Variants in MYO1E observed in about 807,000 individuals in gnomAD.
MYO1E encodes myosin IE.
A neutral mutation model predicts 151.1 loss-of-function variants in MYO1E; 68 were observed. The ratio of observed to expected loss-of-function variants is 0.45; its 90% CI spans 0.37 to 0.55. The LOEUF is 0.55. MYO1E is among the 20% of genes least tolerant of loss of function. The pLI is 0.00. For missense variants in MYO1E, 1,363 were observed against 1,389.3 expected, an observed-to-expected ratio of 0.98 and a Z score of 0.30; for synonymous variants, 601 against 501.7, an observed-to-expected ratio of 1.20 and a Z score of -2.64.
chr15:59,329,972 C>T (rs766015940), intron 1 of MYO1E, among the ~76,000 whole-genome samples: 1 of 152,108 alleles, frequency 6.6e-6, no homozygotes, highest in Non-Finnish European at 1.5e-5. Context: ...TGCAAAATAC[C>T]TTCTTAGAAT....
In MYO1E at chr15:59,223,286, G is replaced by A. The variant is rs1303550921; in HGVS notation, c.778-95C>T. Reference sequence around the variant, plus strand: ...AAGGCACAGCAGCTGCTCTAAATAAGGATGTGACAAGTACAGACGAGTTAC... The same window carrying A: ...AAGGCACAGCAGCTGCTCTAAATAAAGATGTGACAAGTACAGACGAGTTAC... On this transcript the variant is annotated intron_variant, in intron 8 of 27. Transcript: ENST00000288235. 2.1e-6 allele frequency: 3 copies of A among 1,460,234 alleles called. No individual in the cohort carries two copies. The African/African-American group carries it at 4.3e-5, about 21-fold the overall frequency. 90.5% of individuals were successfully genotyped at this position (1,460,234 alleles called of 1,614,324 possible). A position where few individuals can be genotyped will look rare whatever the true frequency, so the allele number is the denominator to read the frequency against.
chr15:59,372,137 C>T (rs1189953764), intron 1 of MYO1E, among the ~76,000 whole-genome samples: 16 of 151,380 alleles, frequency 1.1e-4, no homozygotes, highest in African/African-American at 3.9e-4. Flanking sequence ...AGCACCTCCC[C>T]TGCCGGCTGC....
At position 59,254,686 on chromosome 15, in the gene MYO1E, T is replaced by C. The variant is rs77931882; in HGVS notation, c.332+1598A>G. Among the ~76,000 whole-genome samples, 76 of 149,284 alleles carry C rather than the reference T, an allele frequency of 5.1e-4. No homozygotes were observed. In the South Asian group the frequency reaches 0.01, roughly 20 times the overall value. ...TATCCACAATAAAAGGTTTTTTTTT[T>C]CCCAAAAATGTCTCAGAAAAATTAA... is the stretch of plus-strand genomic sequence containing the variant. On this transcript the variant is annotated intron_variant, in intron 4 of 27. Transcript: ENST00000288235.
chr15:59,306,620 G>T (rs1445567671), intron 1 of MYO1E, among the ~76,000 whole-genome samples: 5 of 152,212 alleles, frequency 3.3e-5, no homozygotes, highest in African/African-American at 1.2e-4. Context: ...GAGTGCCAAG[G>T]ATTTAAATAT....
At chr15:59,177,859 G>A (rs959094983) in intron 19 of MYO1E, among the ~76,000 whole-genome samples, 1 of 152,148 alleles carries the variant, frequency 6.6e-6, no homozygotes, top group African/African-American at 2.4e-5. Context: ...GTCCTTTCTA[G>A]GCTCCCCCAC....
At chr15:59,357,269 G>C (rs1206910695) in intron 1 of MYO1E, among the ~76,000 whole-genome samples, 2 of 152,046 alleles carry the variant, frequency 1.3e-5, no homozygotes, top group African/African-American at 4.8e-5. Context: ...ACAACGAGGG[G>C]AGGTGGGAAT....
chr15:59,208,123 G>C lies in MYO1E; in HGVS notation c.1530+558C>G, dbSNP rs142608055. 5.4e-4 allele frequency: 811 copies of C among 1,515,006 alleles called. 3 individuals are homozygous for C. In the African/African-American group the frequency reaches 9.9e-3, roughly 18 times the overall value. 93.8% of individuals were successfully genotyped at this position (1,515,006 alleles called of 1,614,324 possible). A position where few individuals can be genotyped will look rare whatever the true frequency, so the allele number is the denominator to read the frequency against. ...ACTACCATTCCGAAATTATTGAAGA[G>C]ATCATAGATACAGGATTATATAACG... On this transcript the variant is annotated intron_variant, in intron 14 of 27. Transcript: ENST00000288235.
In MYO1E at chr15:59,174,242, T is replaced by C; in HGVS notation, c.2050-2A>G. 6.2e-7 allele frequency: 1 copy of C among 1,600,546 alleles called. No individual in the cohort carries two copies. Among genetic ancestry groups the C allele is most frequent in the Non-Finnish European group, 8.6e-7 (1 of 1,167,780 alleles). On this transcript the variant is annotated splice_acceptor_variant, in intron 19 of 27. Transcript: ENST00000288235. LOFTEE classifies it high-confidence loss of function. ...TCTCATCTCTTCTAAAAGAAATAGC[T>C]GTGAATGGAGAGAAGACAAATGTGA...
In MYO1E at chr15:59,256,442, A is replaced by G. The variant is rs560537543; in HGVS notation, c.238-64T>C. 54 of 963,560 alleles carry G rather than the reference A, an allele frequency of 5.6e-5. No individual in the cohort carries two copies. The East Asian group carries it at 9.1e-4, about 16-fold the overall frequency. 59.7% of individuals were successfully genotyped at this position (963,560 alleles called of 1,614,324 possible). A position where few individuals can be genotyped will look rare whatever the true frequency, so the allele number is the denominator to read the frequency against. On this transcript the variant is annotated intron_variant, in intron 3 of 27. Coordinates refer to ENST00000288235, the MANE Select transcript of MYO1E (RefSeq NM_004998.4). ...AAAATTTAAAAATAAAAACAAAATC[A>G]TGGTCAGATAGGCAATACACTCAAT...
chr15:59,313,261 T>C (rs1164856846), intron 1 of MYO1E, among the ~76,000 whole-genome samples: 2 of 152,184 alleles, frequency 1.3e-5, no homozygotes, highest in Non-Finnish European at 2.9e-5. Flanking sequence ...AGTCAGTATA[T>C]GGACATATGT....
intron 1 of MYO1E, among the ~76,000 whole-genome samples, chr15:59,370,009 C>T (rs558619277): frequency 3.3e-5 from 5 of 152,134 alleles, no homozygotes; most frequent in South Asian, 2.1e-4. Context: ...CAGGGTCTCA[C>T]TATGTTACCC....
chr15:59,262,211 A>AT, intron 2 of MYO1E, among the ~76,000 whole-genome samples: 1 of 151,382 alleles, frequency 6.6e-6, no homozygotes, highest in East Asian at 2.0e-4. Flanking sequence ...TTGTCTCCAA[A>AT]AAAAAAATAA....
chr15:59,141,762 C>T (rs1418792983), intron 26 of MYO1E, among the ~76,000 whole-genome samples: 1 of 144,302 alleles, frequency 6.9e-6, no homozygotes, highest in African/African-American at 2.6e-5. Context: ...TGAGCCACTG[C>T]ACTCCAGCCT....
Position 59,214,430 on chromosome 15 carries a change from C to A in MYO1E, c.1189-116G>T, listed in dbSNP as rs533971546. 9.8e-5 allele frequency: 88 copies of A among 899,002 alleles called. No individual in the cohort carries two copies. The African/African-American group carries it at 1.5e-3, about 15-fold the overall frequency. The allele number at this position is 899,002 out of a possible 1,614,324, so 55.7% of individuals were successfully genotyped here. A position where few individuals can be genotyped will look rare whatever the true frequency, so the allele number is the denominator to read the frequency against. The stretch of plus-strand genomic sequence containing the variant: ...AAAGCTTTAATAGAAATGTTGGATG[C>A]ATCAAAAGAAATAAGTTTATATTTA... On this transcript the variant is annotated intron_variant, in intron 11 of 27. Transcript: ENST00000288235.
chr15:59,227,923 T>C (rs1413096240), intron 6 of MYO1E, among the ~76,000 whole-genome samples: 1 of 152,178 alleles, frequency 6.6e-6, no homozygotes, highest in Non-Finnish European at 1.5e-5. Flanking sequence ...TGGCACCCTT[T>C]CAGAGGAAGA....
chr15:59,208,533 T>C, intron 14 of MYO1E, 148 bp downstream of exon 14: 1 of 973,360 alleles, frequency 1.0e-6, no homozygotes, highest in South Asian at 1.4e-5. Context: ...GTATATACAA[T>C]CTTTTGTTTT....
chr15:59,177,106 TC>T (rs1369217284), intron 19 of MYO1E, among the ~76,000 whole-genome samples: 1 of 152,168 alleles, frequency 6.6e-6, no homozygotes, highest in African/African-American at 2.4e-5. Flanking sequence ...TACCGATAAA[TC>T]ACTCCATCCC....
chr15:59,263,500 GT>G (rs2080236223), intron 2 of MYO1E, among the ~76,000 whole-genome samples: 1 of 152,138 alleles, frequency 6.6e-6, no homozygotes, highest in Non-Finnish European at 1.5e-5. Flanking sequence ...TAGACACAGT[GT>G]TATTACTACT....
chr15:59,168,910 C>A (rs1401560556), intron 22 of MYO1E, among the ~76,000 whole-genome samples: 1 of 152,200 alleles, frequency 6.6e-6, no homozygotes, highest in Non-Finnish European at 1.5e-5. Context: ...GCGTGGGTCA[C>A]TGCGCTCAGC....
Sources: gnomAD v4.1 joint callset for allele counts (sites outside exome capture counted in the v4.1 genomes callset) on GRCh38, gnomAD v4.1.1 for gene constraint, MANE v1.5 for transcripts, NCBI Gene and HGNC (gene_info 2026-07-23, HGNC 2026-07-21) for gene names.